Variants in GPATCH8 observed in about 807,000 individuals in gnomAD.
GPATCH8 encodes G patch domain-containing protein 8.
Under a neutral mutation model 118.3 loss-of-function variants are expected in GPATCH8, and 18 were observed. The observed-to-expected ratio is 0.15, with a 90% confidence interval of 0.11 to 0.23. The LOEUF is 0.23. Ranked by LOEUF, GPATCH8 falls within the 10% of genes least tolerant of loss-of-function variation. The pLI is 1.00. For missense variants in GPATCH8, 1,631 were observed against 1,873.8 expected, an observed-to-expected ratio of 0.87 and a Z score of 2.39; for synonymous variants, 659 against 684.7, an observed-to-expected ratio of 0.96 and a Z score of 0.59.
At chr17:44,423,141 T>G (rs1009058198) in intron 6 of GPATCH8, among the ~76,000 whole-genome samples, 2 of 151,996 alleles carry the variant, frequency 1.3e-5, no homozygotes, top group Admixed American at 1.3e-4. Flanking sequence ...CTCAGGAGGC[T>G]GAGGCAGGAG....
intron 6 of GPATCH8, among the ~76,000 whole-genome samples, chr17:44,412,547 C>T (rs1307038409): frequency 6.6e-6 from 1 of 151,846 alleles, no homozygotes. Context: ...CCACCACACC[C>T]GGCTATTTAT....
At chr17:44,500,042 C>T (rs1224046206) in intron 1 of GPATCH8, among the ~76,000 whole-genome samples, 3 of 152,130 alleles carry the variant, frequency 2.0e-5, no homozygotes, top group Non-Finnish European at 4.4e-5. Context: ...AGAGACAGAT[C>T]TGGACAAAAC....
At chr17:44,436,301 A>G (rs2050511892) in intron 4 of GPATCH8, among the ~76,000 whole-genome samples, 177 bp downstream of exon 4, 1 of 152,136 alleles carries the variant, frequency 6.6e-6, no homozygotes, top group African/African-American at 2.4e-5. Context: ...TTTATATTCT[A>G]TTTGTCTCAA....
At chr17:44,430,565 C>T (rs376788175) in intron 5 of GPATCH8, among the ~76,000 whole-genome samples, 1 of 152,014 alleles carries the variant, frequency 6.6e-6, no homozygotes, top group East Asian at 1.9e-4. Context: ...AACAAAAAAC[C>T]CCCAGCTAAC....
chr17:44,479,133 T>C (rs377543572), intron 1 of GPATCH8, among the ~76,000 whole-genome samples: 10 of 152,272 alleles, frequency 6.6e-5, no homozygotes, highest in African/African-American at 2.4e-4. Flanking sequence ...AACTACCAAG[T>C]AAGTCTACAA....
In GPATCH8 at chr17:44,398,466, T is replaced by A. The variant is rs1444258349; in HGVS notation, c.3611A>T (p.Asp1204Val). The A allele has an allele frequency of 4.3e-6, 7 of 1,611,320 alleles. No homozygotes were observed. Among genetic ancestry groups the A allele is most frequent in the Non-Finnish European group, 5.9e-6 (7 of 1,178,596 alleles). ...AGACTTTGACTCTTCTGGGGGTGGG[T>A]CTAATAAGGGGCCAGTTGTTTCCTC... ...PSEETTGPLLDPPPEESKSGE... is the reference protein window; with the variant it reads ...PSEETTGPLLVPPPEESKSGE... Residue 1204 changes from aspartate (D) to valine (V), a missense_variant, in exon 8 of 8, where the codon GAC becomes GTC. Around this residue, in one of 8 missense-constraint regions of GPATCH8, gnomAD observed 922 missense variants for 879.7 expected, o/e 1.05. Transcript: ENST00000591680.
In GPATCH8 at chr17:44,461,530, G is replaced by A. The variant is rs187525964; in HGVS notation, c.193+2942C>T. 4.6e-5 allele frequency among the ~76,000 whole-genome samples: 7 copies of A among 152,178 alleles called. No homozygotes were observed. In the East Asian group the frequency reaches 9.7e-4, roughly 21 times the overall value. On this transcript the variant is annotated intron_variant, in intron 3 of 7. Coordinates refer to ENST00000591680, the MANE Select transcript of GPATCH8 (RefSeq NM_001002909.4). ...TTAAAAAGAAAAAAAACCTTCAAATGAGCTTTAAATTTCCCTTGAATTTTT... is the reference window on the plus strand; with the variant it reads ...TTAAAAAGAAAAAAAACCTTCAAATAAGCTTTAAATTTCCCTTGAATTTTT...
intron 1 of GPATCH8, among the ~76,000 whole-genome samples, chr17:44,491,142 G>A (rs991251605): frequency 6.6e-5 from 10 of 152,106 alleles, no homozygotes; most frequent in African/African-American, 1.7e-4. Flanking sequence ...AACACAATAC[G>A]AAACTCTAGA....
At chr17:44,502,147 C>T (rs2144514930) in intron 1 of GPATCH8, among the ~76,000 whole-genome samples, 1 of 152,304 alleles carries the variant, frequency 6.6e-6, no homozygotes, top group East Asian at 1.9e-4. Flanking sequence ...AGACTGTTAA[C>T]AGTGCTGAGT....
At chr17:44,480,730 G>C (rs1968164406) in intron 1 of GPATCH8, among the ~76,000 whole-genome samples, 1 of 150,404 alleles carries the variant, frequency 6.6e-6, no homozygotes, top group Admixed American at 6.6e-5. Flanking sequence ...AATTAGCTGG[G>C]TACGATGACA....
intron 7 of GPATCH8, among the ~76,000 whole-genome samples, chr17:44,404,378 A>C (rs2049141555): frequency 6.6e-6 from 1 of 151,470 alleles, no homozygotes; most frequent in Non-Finnish European, 1.5e-5. Flanking sequence ...CCTGGGTTCA[A>C]GTGATCCTCT....
rs1350471333 is a variant in GPATCH8 at position 44,483,177 on chromosome 17, ATATATATATAT to A, written c.46-8285_46-8275del. Among the ~76,000 whole-genome samples the A allele has an allele frequency of 6.2e-3, 43 of 6,966 alleles. 3 individuals carry two copies. The highest frequency in any genetic ancestry group is 9.7e-3 in the East Asian group (2 of 206). The allele number at this position is 6,966 out of a possible 152,430, so 4.6% of individuals were successfully genotyped here. ...CTCAAAAAAAAAAAAAAAAAAAAAA[ATATATATATAT>A]ATATATATATATATATATATATATA... On this transcript the variant is annotated intron_variant, in intron 1 of 7. Coordinates refer to ENST00000591680, the MANE Select transcript of GPATCH8 (RefSeq NM_001002909.4).
chr17:44,484,775 C>T (rs1023022459), intron 1 of GPATCH8, among the ~76,000 whole-genome samples: 3 of 152,092 alleles, frequency 2.0e-5, no homozygotes, highest in Non-Finnish European at 2.9e-5. Flanking sequence ...TGTTAAATTT[C>T]GCCCTAATTT....
intron 6 of GPATCH8, among the ~76,000 whole-genome samples, chr17:44,413,430 C>T (rs935815795): frequency 1.3e-5 from 2 of 152,066 alleles, no homozygotes; most frequent in Admixed American, 1.3e-4. Context: ...ACCACCATGC[C>T]CGGCTAATTT....
chr17:44,398,870 G>A lies in GPATCH8; in HGVS notation c.3207C>T (p.Asn1069=). ...KATGPPSQNS[N]IGTGRGSEGD... Reference sequence around the variant, plus strand: ...CTTCTGACCCTCTTCCTGTGCCAATGTTGCTGTTCTGGGAAGGTGGACCTG... The same window carrying A: ...CTTCTGACCCTCTTCCTGTGCCAATATTGCTGTTCTGGGAAGGTGGACCTG... Residue 1069 remains asparagine (N), a synonymous_variant, in exon 8 of 8, where the codon AAC becomes AAT. Coordinates refer to ENST00000591680, the MANE Select transcript of GPATCH8 (RefSeq NM_001002909.4). 1 of 1,613,910 alleles carries A rather than the reference G, an allele frequency of 6.2e-7. No individual in the cohort carries two copies. Among genetic ancestry groups the A allele is most frequent in the South Asian group, 1.1e-5 (1 of 91,078 alleles).
chr17:44,497,719 C>T (rs1279733191), intron 1 of GPATCH8, among the ~76,000 whole-genome samples: 1 of 147,820 alleles, frequency 6.8e-6, no homozygotes, highest in Non-Finnish European at 1.5e-5. Context: ...GTGGGAGGAT[C>T]GCTTGAGCCC....
At chr17:44,483,170 AAAAAAAAT>A (rs1372679332) in intron 1 of GPATCH8, among the ~76,000 whole-genome samples, 1 of 21,860 alleles carries the variant, frequency 4.6e-5, no homozygotes, top group African/African-American at 1.3e-4. Flanking sequence ...AAAAAAAAAA[AAAAAAAAT>A]ATATATATAT....
At chr17:44,427,424 CT>C (rs1038569151) in intron 5 of GPATCH8, among the ~76,000 whole-genome samples, 4 of 151,946 alleles carry the variant, frequency 2.6e-5, no homozygotes, top group African/African-American at 9.7e-5. Context: ...TAGAAGAAAA[CT>C]CAGCAAAAGA....
chr17:44,434,717 T>G (rs2050438300), intron 5 of GPATCH8, among the ~76,000 whole-genome samples: 1 of 152,136 alleles, frequency 6.6e-6, no homozygotes, highest in African/African-American at 2.4e-5. Flanking sequence ...GTCTGGCCTC[T>G]GCAAGTGTTG....
Sources: gnomAD v4.1 joint callset for allele counts (sites outside exome capture counted in the v4.1 genomes callset) on GRCh38, gnomAD v4.1.1 for gene constraint, gnomAD v4.1.1 regional missense constraint, MANE v1.5 for transcripts, NCBI Gene and HGNC (gene_info 2026-07-23, HGNC 2026-07-21) for gene names.